CENPK: variants seen among roughly 807,000 people sequenced by gnomAD.
CENPK encodes the protein centromere protein K, also known as SoxLZ/Sox6-binding protein Solt.
In CENPK, 46 loss-of-function variants were observed where a neutral mutation model predicts 40.9. That is an observed-to-expected ratio of 1.13 (90% CI 0.89 to 1.44). The LOEUF (loss-of-function observed/expected upper bound fraction) is 1.44, where lower values mean the gene tolerates loss of function less well. Ranked by LOEUF, CENPK falls within the 40% of genes most tolerant of loss-of-function variation. The pLI, the probability that CENPK is intolerant of heterozygous loss-of-function variation, is 0.00. For synonymous variants in CENPK, 107 were observed against 104.4 expected (o/e 1.02, Z -0.15); for missense variants, 288 against 303.5 (o/e 0.95, Z 0.38).
At chr5:65,529,798 CTTTTATTTTTTAT>C (rs1006611302) in intron 6 of CENPK, 2 of 148,420 alleles carry the variant, frequency 1.3e-5, no homozygotes, top group African/African-American at 5.0e-5. Flanking sequence ...GGTACCTTTT[CTTTTATTTTTTAT>C]TTTTATTTTT....
the CENPK span, among the ~76,000 whole-genome samples, chr5:65,497,925 T>A: frequency 6.6e-6 from 1 of 152,028 alleles, no homozygotes; most frequent in South Asian, 2.1e-4. Context: ...AAAAGTCTAT[T>A]TAAGTTAGAA....
the CENPK span, among the ~76,000 whole-genome samples, chr5:65,501,793 T>C: frequency 1.3e-5 from 2 of 152,306 alleles, no homozygotes; most frequent in Admixed American, 6.5e-5. Context: ...AAGGCCTCCA[T>C]TGACATCAGT....
intron 6 of CENPK, among the ~76,000 whole-genome samples, chr5:65,539,034 T>C (rs1581000085): frequency 1.3e-5 from 2 of 152,236 alleles, no homozygotes; most frequent in African/African-American, 2.4e-5. Context: ...CCTCTTTCCA[T>C]GCTCTACAAC....
intron 5 of CENPK, among the ~76,000 whole-genome samples, chr5:65,545,536 C>A (rs1233351490): frequency 6.6e-6 from 1 of 152,088 alleles, no homozygotes; most frequent in East Asian, 1.9e-4. Context: ...AAAGAGAAAT[C>A]AAGAAATTCT....
intron 6 of CENPK, chr5:65,529,539 G>A (rs1339748333): frequency 1.6e-5 from 3 of 186,744 alleles, no homozygotes; most frequent in Non-Finnish European, 3.3e-5. Context: ...CCAGGCTGGA[G>A]GGCAGTGGTG....
intron 6 of CENPK, among the ~76,000 whole-genome samples, chr5:65,532,982 T>A (rs1746153331): frequency 6.8e-6 from 1 of 147,764 alleles, no homozygotes; most frequent in Non-Finnish European, 1.5e-5. Context: ...TCAATAGATT[T>A]AAAAAAGGAG....
At chr5:65,547,408 A>T (rs922772932) in intron 5 of CENPK, among the ~76,000 whole-genome samples, 24 of 151,498 alleles carry the variant, frequency 1.6e-4, no homozygotes, top group African/African-American at 4.1e-4. Flanking sequence ...AAAAAAAAAA[A>T]TTTTGAGTAT....
chr5:65,550,147 G>A (rs1749712400), intron 5 of CENPK, among the ~76,000 whole-genome samples: 1 of 134,744 alleles, frequency 7.4e-6, no homozygotes, highest in South Asian at 2.4e-4. Context: ...CAGCCTGAGG[G>A]CAGTGCAACA....
chr5:65,559,342 T>C (rs984974635), intron 2 of CENPK, among the ~76,000 whole-genome samples: 3 of 152,056 alleles, frequency 2.0e-5, no homozygotes, highest in African/African-American at 7.2e-5. Flanking sequence ...AAAATTTACA[T>C]GGAAGGGCCG....
At chr5:65,512,688 G>C in the CENPK span, among the ~76,000 whole-genome samples, 1 of 152,188 alleles carries the variant, frequency 6.6e-6, no homozygotes, top group South Asian at 2.1e-4. Context: ...CAATTTGTGT[G>C]ACTCACTTGT....
chr5:65,542,921 G>T, intron 5 of CENPK, 73 bp from the exon 6 acceptor site: 1 of 1,324,786 alleles, frequency 7.5e-7, no homozygotes, highest in South Asian at 1.3e-5. Flanking sequence ...TTAATTTTGC[G>T]GTTTTCTAAG....
downstream of CENPK, among the ~76,000 whole-genome samples, chr5:65,512,968 A>G (rs62369001): frequency 0.074 from 11,280 of 152,146 alleles, 427 homozygotes; most frequent in East Asian, 0.096. Flanking sequence ...TTTGCTATCT[A>G]TATATCTTCT....
Position 65,533,916 on chromosome 5 carries a change from C to T in CENPK, c.289-4717G>A, listed in dbSNP as rs546546560. Among the ~76,000 whole-genome samples the T allele has an allele frequency of 3.6e-3, 546 of 151,676 alleles. 1 individual carries two copies. Among genetic ancestry groups the T allele is most frequent in the African/African-American group, 0.012 (499 of 41,380 alleles). On this transcript the variant is annotated intron_variant, in intron 6 of 10. Transcript: ENST00000396679. The stretch of plus-strand genomic sequence containing the variant: ...CAAAATTAGCCAGGCGCACTAGTGG[C>T]GGATGCCTGTAGTCCCAGCTACCTG...
At chr5:65,543,754 C>G (rs1748391122) in intron 5 of CENPK, among the ~76,000 whole-genome samples, 1 of 152,150 alleles carries the variant, frequency 6.6e-6, no homozygotes. Flanking sequence ...TTTTTATGTA[C>G]TGGTGCTCTC....
chr5:65,518,603 G>A lies in CENPK; in HGVS notation c.682C>T (p.His228Tyr), dbSNP rs755866468. The A allele has an allele frequency of 6.3e-7, 1 of 1,590,624 alleles. No homozygotes were observed. Among genetic ancestry groups the A allele is most frequent in the Admixed American group, 1.7e-5 (1 of 58,618 alleles). Residue 228 changes from histidine (H) to tyrosine (Y), a missense_variant, in exon 11 of 11, where the codon CAT becomes TAT. Physicochemically the swap from His to Tyr is moderately conservative, Grantham distance 83. Transcript: ENST00000396679. ...ILINRLFDVPHDPYVKISDSF... is the reference protein window; with the variant it reads ...ILINRLFDVPYDPYVKISDSF... Reference sequence around the variant, plus strand: ...TCACTAATTTTGACATATGGATCATGTGGAACATCAAATAATCTATTTATA... The same window carrying A: ...TCACTAATTTTGACATATGGATCATATGGAACATCAAATAATCTATTTATA...
downstream of CENPK, among the ~76,000 whole-genome samples, chr5:65,515,717 T>C (rs1742810595): frequency 6.6e-6 from 1 of 152,214 alleles, no homozygotes; most frequent in Non-Finnish European, 1.5e-5. Flanking sequence ...ATAAGTTAAT[T>C]ACCCTTTTAT....
chr5:65,536,575 A>G (rs569593495), intron 6 of CENPK, among the ~76,000 whole-genome samples: 2 of 152,272 alleles, frequency 1.3e-5, no homozygotes, highest in East Asian at 1.9e-4. Context: ...TGAGACAGCT[A>G]TAATCTTACT....
downstream of CENPK, among the ~76,000 whole-genome samples, chr5:65,513,745 T>C (rs1383525421): frequency 6.6e-6 from 1 of 152,228 alleles, no homozygotes; most frequent in Non-Finnish European, 1.5e-5. Flanking sequence ...GAACTTCCAG[T>C]GCAACATTAA....
intron 1 of CENPK, among the ~76,000 whole-genome samples, chr5:65,562,081 G>A (rs1418677278): frequency 6.6e-6 from 1 of 152,020 alleles, no homozygotes; most frequent in African/African-American, 2.4e-5. Flanking sequence ...TTCAGGATAG[G>A]GAAGCTTAGA....
Sources: allele counts gnomAD v4.1 joint callset (sites outside exome capture counted in the v4.1 genomes callset), GRCh38; gene constraint gnomAD v4.1.1; transcripts MANE v1.5; gene names NCBI Gene and HGNC (gene_info 2026-07-23, HGNC 2026-07-21).